Variants in NLGN1 observed in about 807,000 individuals in gnomAD.
The protein encoded by NLGN1 is neuroligin-1.
A neutral mutation model predicts 65.5 loss-of-function variants in NLGN1; 12 were observed. That is an observed-to-expected ratio of 0.18 (90% CI 0.12 to 0.30). The LOEUF is 0.30. Among genes scored for constraint, NLGN1 ranks in the 10% least tolerant of loss-of-function variants. The pLI, the probability that NLGN1 is intolerant of heterozygous loss-of-function variation, is 1.00. For missense variants in NLGN1, 750 were observed against 1,007.1 expected, an observed-to-expected ratio of 0.74 and a Z score of 3.46; for synonymous variants, 350 against 359.5, an observed-to-expected ratio of 0.97 and a Z score of 0.30.
At chr3:174,118,553 CA>C (rs1717058884) in intron 4 of NLGN1, among the ~76,000 whole-genome samples, 1 of 151,984 alleles carries the variant, frequency 6.6e-6, no homozygotes, top group African/African-American at 2.4e-5. Context: ...ATTTTTTAAG[CA>C]TAATGTATTC....
At chr3:173,520,545 T>G (rs1443982906) in intron 2 of NLGN1, among the ~76,000 whole-genome samples, 1 of 152,110 alleles carries the variant, frequency 6.6e-6, no homozygotes, top group Non-Finnish European at 1.5e-5. Context: ...CACAGCTGAG[T>G]GAGTCAGAAA....
intron 4 of NLGN1, among the ~76,000 whole-genome samples, chr3:174,190,491 C>T (rs998094312): frequency 2.0e-5 from 3 of 151,912 alleles, no homozygotes; most frequent in African/African-American, 7.2e-5. Flanking sequence ...ACTTATTAGA[C>T]TTATTGTAAA....
intron 4 of NLGN1, among the ~76,000 whole-genome samples, chr3:174,206,827 T>A (rs1365364910): frequency 1.3e-5 from 2 of 152,158 alleles, no homozygotes; most frequent in Non-Finnish European, 2.9e-5. Flanking sequence ...AGGGTGTGCC[T>A]TTGTTTACCC....
intron 4 of NLGN1, among the ~76,000 whole-genome samples, chr3:174,200,071 G>C (rs1734154237): frequency 1.3e-5 from 2 of 152,118 alleles, no homozygotes; most frequent in African/African-American, 4.8e-5. Context: ...TGGGATGCTG[G>C]GGTCTAATAA....
chr3:173,641,311 TTTATTA>T (rs1458518612), intron 3 of NLGN1, among the ~76,000 whole-genome samples: 2 of 152,102 alleles, frequency 1.3e-5, no homozygotes, highest in Non-Finnish European at 2.9e-5. Flanking sequence ...GGTACTTCTT[TTTATTA>T]TTATTATTAT....
intron 3 of NLGN1, among the ~76,000 whole-genome samples, chr3:173,621,817 C>T (rs1013520120): frequency 6.6e-6 from 1 of 151,984 alleles, no homozygotes; most frequent in Admixed American, 6.6e-5. Context: ...GTTAATAAAT[C>T]CTATTTCCAA....
intron 3 of NLGN1, among the ~76,000 whole-genome samples, chr3:173,641,793 G>A (rs1226212721): frequency 1.3e-5 from 2 of 152,158 alleles, no homozygotes; most frequent in Non-Finnish European, 2.9e-5. Context: ...AGCCTGTGAA[G>A]CAAATCCAAT....
intron 2 of NLGN1, among the ~76,000 whole-genome samples, chr3:173,501,699 T>C (rs1731149088): frequency 6.6e-6 from 1 of 150,828 alleles, no homozygotes; most frequent in African/African-American, 2.4e-5. Context: ...TAGAATTCTC[T>C]ACGTATAGAA....
rs540821195 is a variant in NLGN1, at chr3:173,921,920, A to T, written c.646+114088A>T. 9.2e-5 allele frequency among the ~76,000 whole-genome samples: 14 copies of T among 152,190 alleles called. No individual in the cohort carries two copies. In the South Asian group the frequency reaches 2.9e-3, roughly 32 times the overall value. The stretch of plus-strand genomic sequence containing the variant: ...AACTTGCCACTCATTTTCTAAGCAG[A>T]AGGTTTTTCTTTGTGCCACTCTGAA... On this transcript the variant is annotated intron_variant, in intron 4 of 6. Transcript: ENST00000457714.
chr3:173,591,522 A>G (rs762689181), intron 2 of NLGN1, among the ~76,000 whole-genome samples: 21 of 152,158 alleles, frequency 1.4e-4, no homozygotes, highest in Non-Finnish European at 2.6e-4. Flanking sequence ...AGTATTTGCC[A>G]ATTCCAGCAA....
At chr3:173,548,631 C>G (rs188107991) in intron 2 of NLGN1, among the ~76,000 whole-genome samples, 166 of 151,946 alleles carry the variant, frequency 1.1e-3, no homozygotes, top group African/African-American at 3.8e-3. Context: ...GTAATGAAGG[C>G]TGGATTTTTA....
intron 4 of NLGN1, among the ~76,000 whole-genome samples, chr3:173,877,883 G>C (rs556350384): frequency 1.3e-5 from 2 of 152,166 alleles, no homozygotes; most frequent in African/African-American, 4.8e-5. Context: ...GAAAACTGAG[G>C]CAAACAGAGA....
chr3:173,695,151 A>G (rs981126656), intron 3 of NLGN1, among the ~76,000 whole-genome samples: 2 of 152,144 alleles, frequency 1.3e-5, no homozygotes, highest in Non-Finnish European at 1.5e-5. Context: ...AAAGTTGCTA[A>G]TAAATACTTC....
chr3:174,153,138 C>G (rs1724722811), intron 4 of NLGN1, among the ~76,000 whole-genome samples: 2 of 152,102 alleles, frequency 1.3e-5, no homozygotes. Context: ...GGCTTCAAAT[C>G]TTAGTTCAAA....
intron 2 of NLGN1, among the ~76,000 whole-genome samples, chr3:173,534,713 A>G (rs1209840146): frequency 6.6e-6 from 1 of 152,196 alleles, no homozygotes; most frequent in Non-Finnish European, 1.5e-5. Flanking sequence ...TAAGGCCAAG[A>G]CAGTAATTAC....
chr3:173,549,157 T>TTG (rs1256577098), intron 2 of NLGN1, among the ~76,000 whole-genome samples: 1 of 151,956 alleles, frequency 6.6e-6, no homozygotes, highest in Admixed American at 6.6e-5. Context: ...AAATAGTTTG[T>TTG]AACTATTCCC....
chr3:173,414,213 G>A (rs1159356543), intron 1 of NLGN1, among the ~76,000 whole-genome samples: 1 of 152,164 alleles, frequency 6.6e-6, no homozygotes, highest in African/African-American at 2.4e-5. Flanking sequence ...CTGTGTTGCT[G>A]ACTTAACAGA....
intron 3 of NLGN1, among the ~76,000 whole-genome samples, chr3:173,739,234 T>C (rs1774243762): frequency 6.6e-6 from 1 of 152,082 alleles, no homozygotes; most frequent in African/African-American, 2.4e-5. Flanking sequence ...GGAGACCACA[T>C]TGTGGGGGCC....
At chr3:173,778,381 A>AC (rs1780633526) in intron 3 of NLGN1, among the ~76,000 whole-genome samples, 1 of 151,870 alleles carries the variant, frequency 6.6e-6, no homozygotes. Context: ...AGAATTTATT[A>AC]GGCGATGGTT....
Sources: gnomAD v4.1 joint callset for allele counts (sites outside exome capture counted in the v4.1 genomes callset) on GRCh38, gnomAD v4.1.1 for gene constraint, MANE v1.5 for transcripts, NCBI Gene and HGNC (gene_info 2026-07-23, HGNC 2026-07-21) for gene names.